The following PCDHA8 variants were observed in gnomAD, a reference collection of about 807,000 sequenced individuals.
PCDHA8 encodes the protein protocadherin alpha-8.
In PCDHA8, 53 loss-of-function variants were observed where a neutral mutation model predicts 61.8. The ratio of observed to expected loss-of-function variants is 0.86; its 90% CI spans 0.69 to 1.08. The LOEUF (loss-of-function observed/expected upper bound fraction) is 1.08. Among genes scored for constraint, PCDHA8 ranks in the 50% least tolerant of loss-of-function variants. The probability of loss-of-function intolerance (pLI) is 0.00; values close to 1 mark genes in which losing one functional copy is unlikely to be tolerated. For synonymous variants in PCDHA8, 618 were observed against 556.6 expected (o/e 1.11, Z -1.55); for missense variants, 1,293 against 1,245.0 (o/e 1.04, Z -0.58).
intron 1 of PCDHA8, among the ~76,000 whole-genome samples, chr5:140,965,644 G>A (rs201197561): frequency 6.6e-6 from 1 of 152,028 alleles, no homozygotes; most frequent in African/African-American, 2.4e-5. Flanking sequence ...AATTACTCTT[G>A]AAAGAAAATG....
chr5:140,991,482 G>A (rs781952323), intron 3 of PCDHA8, among the ~76,000 whole-genome samples: 3 of 152,204 alleles, frequency 2.0e-5, no homozygotes, highest in Non-Finnish European at 4.4e-5. Flanking sequence ...CTGGAAGTCA[G>A]AAGTCCACAG....
chr5:140,928,428 C>T (rs1273911750), intron 1 of PCDHA8: 2 of 1,614,026 alleles, frequency 1.2e-6, no homozygotes, highest in Non-Finnish European at 8.5e-7. Flanking sequence ...CCAAAACTTC[C>T]TTTGACTTTG....
At chr5:140,893,119 C>T (rs2063831505) in intron 1 of PCDHA8, among the ~76,000 whole-genome samples, 1 of 152,174 alleles carries the variant, frequency 6.6e-6, no homozygotes, top group Admixed American at 6.5e-5. Context: ...TGTGCATATA[C>T]ACCACATTTT....
intron 2 of PCDHA8, 38 bp from the exon 3 acceptor site, chr5:140,982,437 A>G: frequency 6.2e-7 from 1 of 1,613,390 alleles, no homozygotes; most frequent in East Asian, 2.2e-5. Flanking sequence ...GAAAGAATTT[A>G]TGATCTAACC....
In PCDHA8 at chr5:140,842,669, G is replaced by C. The variant is rs1554139258; in HGVS notation, c.1348G>C (p.Asp450His). ...GTCTGTGGAGGTGGCCGACGTGAAC[G>C]ACAATGCTCCGGCGTTCGCGCAGCC... The part of the protein sequence containing the change: ...SLSVEVADVN[D>H]NAPAFAQPEY... The change falls in exon 1 of 4, where the codon GAC (aspartate) becomes CAC (histidine). Residue 450 changes from aspartate (D) to histidine (H), a missense_variant. Coordinates refer to ENST00000531613, the MANE Select transcript of PCDHA8 (RefSeq NM_018911.3). 2 of 1,595,384 alleles carry C rather than the reference G, an allele frequency of 1.3e-6. No individual in the cohort carries two copies. Among genetic ancestry groups the C allele is most frequent in the East Asian group, 2.2e-5 (1 of 44,824 alleles).
At chr5:140,964,866 C>A (rs2095858965) in intron 1 of PCDHA8, among the ~76,000 whole-genome samples, 1 of 152,132 alleles carries the variant, frequency 6.6e-6, no homozygotes, top group Non-Finnish European at 1.5e-5. Flanking sequence ...ACAAAGAGGA[C>A]AAATAAGAAG....
In PCDHA8 at chr5:140,842,160, C is replaced by T. The variant is rs1777743066; in HGVS notation, c.839C>T (p.Ser280Phe). Residue 280 changes from serine to phenylalanine, a missense_variant, in exon 1 of 4, where the codon TCT (serine) becomes TTT (phenylalanine). Physicochemically the swap from Ser to Phe is radical, Grantham distance 155. Coordinates refer to ENST00000531613, the MANE Select transcript of PCDHA8 (RefSeq NM_018911.3). Reference protein sequence around the residue: ...DEGANGAISYSFNSLVETMVI... With the variant: ...DEGANGAISYFFNSLVETMVI... ...GGAGCCAATGGGGCAATTTCATATT[C>T]TTTTAATAGCCTTGTTGAAACTATG... 1.9e-6 allele frequency: 3 copies of T among 1,613,732 alleles called. No individual in the cohort carries two copies. Among genetic ancestry groups the T allele is most frequent in the Non-Finnish European group, 2.5e-6 (3 of 1,179,842 alleles).
chr5:140,841,696 T>C lies in PCDHA8; in HGVS notation c.375T>C (p.Asp125=), dbSNP rs2150321005. The C allele has an allele frequency of 6.8e-6, 11 of 1,613,722 alleles. No homozygotes were observed. In the East Asian group the frequency reaches 1.8e-4, roughly 26 times the overall value. ...QVFHVDVEVK[D]VNDNPPVFRV... Reference sequence around the variant, plus strand: ...TCCATGTGGACGTGGAGGTGAAGGATGTTAATGACAACCCGCCAGTGTTCC... The same window carrying C: ...TCCATGTGGACGTGGAGGTGAAGGACGTTAATGACAACCCGCCAGTGTTCC... The change falls in exon 1 of 4, where the codon GAT becomes GAC. Residue 125 remains aspartate (D), a synonymous_variant. Coordinates refer to ENST00000531613, the MANE Select transcript of PCDHA8 (RefSeq NM_018911.3).
chr5:140,960,428 A>T (rs1317168418), intron 1 of PCDHA8, among the ~76,000 whole-genome samples: 3 of 152,178 alleles, frequency 2.0e-5, no homozygotes, highest in Non-Finnish European at 4.4e-5. Context: ...CAATTACTTG[A>T]TACTCTAGAT....
intron 1 of PCDHA8, among the ~76,000 whole-genome samples, chr5:140,974,053 T>C (rs529581642): frequency 6.6e-6 from 1 of 152,346 alleles, no homozygotes; most frequent in African/African-American, 2.4e-5. Flanking sequence ...TATGATAATA[T>C]TTGGAGCAGT....
intron 3 of PCDHA8, among the ~76,000 whole-genome samples, chr5:140,986,633 C>T (rs566373023): frequency 5.9e-5 from 9 of 152,266 alleles, no homozygotes; most frequent in Admixed American, 3.3e-4. Context: ...GGCAACAGTA[C>T]ATTAGTTTTA....
chr5:140,960,258 T>G (rs551623092), intron 1 of PCDHA8, among the ~76,000 whole-genome samples: 1 of 152,248 alleles, frequency 6.6e-6, no homozygotes, highest in Non-Finnish European at 1.5e-5. Context: ...CTGGAGCTTC[T>G]GATAAATTCC....
intron 3 of PCDHA8, among the ~76,000 whole-genome samples, chr5:141,006,446 C>T (rs2098274720): frequency 1.3e-5 from 2 of 152,066 alleles, no homozygotes; most frequent in South Asian, 4.1e-4. Flanking sequence ...ATCTCCTGAC[C>T]TCGAGATCTG....
chr5:140,924,830 G>T (rs1240824600), intron 1 of PCDHA8, among the ~76,000 whole-genome samples: 3 of 151,612 alleles, frequency 2.0e-5, no homozygotes, highest in Non-Finnish European at 4.4e-5. Flanking sequence ...GGGAGGGGGA[G>T]GTTGCAGGGA....
At chr5:140,946,631 T>TATATATACAC (rs57893927) in intron 1 of PCDHA8, among the ~76,000 whole-genome samples, 11,667 of 131,732 alleles carry the variant, frequency 0.089, 743 homozygotes, top group Middle Eastern at 0.14. Context: ...TATATATATA[T>TATATATACAC]ACAATGGAAT....
At chr5:140,941,099 TATTACTGG>T (rs1174229664) in intron 1 of PCDHA8, among the ~76,000 whole-genome samples, 5 of 152,146 alleles carry the variant, frequency 3.3e-5, no homozygotes, top group Non-Finnish European at 1.5e-5. Context: ...TTTCACATAC[TATTACTGG>T]AAAGATTAGT....
chr5:140,853,646 G>T (rs1277332064), intron 1 of PCDHA8: 1 of 988,662 alleles, frequency 1.0e-6, no homozygotes, highest in Non-Finnish European at 1.2e-6. Flanking sequence ...CCTAAATTGA[G>T]CCTGTTCCAG....
At chr5:140,920,616 C>T (rs929240808) in intron 1 of PCDHA8, among the ~76,000 whole-genome samples, 3 of 152,128 alleles carry the variant, frequency 2.0e-5, no homozygotes, top group Admixed American at 1.3e-4. Context: ...GAGGCCGAGG[C>T]GGATGGATCA....
chr5:141,000,776 G>A (rs1455881211), intron 3 of PCDHA8, among the ~76,000 whole-genome samples: 1 of 151,562 alleles, frequency 6.6e-6, no homozygotes, highest in Non-Finnish European at 1.5e-5. Context: ...GCATAGTGGC[G>A]CACACCTGTA....
Sources: gnomAD v4.1 joint callset for allele counts (sites outside exome capture counted in the v4.1 genomes callset) on GRCh38, gnomAD v4.1.1 for gene constraint, MANE v1.5 for transcripts, NCBI Gene and HGNC (gene_info 2026-07-23, HGNC 2026-07-21) for gene names.